The following LRRC63 variants were observed in gnomAD, a reference collection of about 807,000 sequenced individuals.
The protein encoded by LRRC63 is leucine-rich repeat-containing protein 63.
LRRC63 carries 40 observed loss-of-function variants against 49.5 expected under a neutral mutation model. The observed-to-expected ratio is 0.81, with a 90% CI of 0.63 to 1.05. The LOEUF (loss-of-function observed/expected upper bound fraction) is 1.05, where lower values mean the gene tolerates loss of function less well. Ranked by LOEUF, LRRC63 falls within the 50% of genes least tolerant of loss-of-function variation. LRRC63 has a pLI of 0.00. For missense variants in LRRC63, 636 were observed against 663.1 expected, an observed-to-expected ratio of 0.96 and a Z score of 0.45; for synonymous variants, 191 against 221.1, an observed-to-expected ratio of 0.86 and a Z score of 1.21.
chr13:46,240,118 C>G (rs1348970416), intron 5 of LRRC63, among the ~76,000 whole-genome samples: 1 of 142,132 alleles, frequency 7.0e-6, no homozygotes, highest in Non-Finnish European at 1.5e-5. Context: ...CTATCTCTCT[C>G]TCTTTTTCTT....
At chr13:46,246,588 A>G in exon 6 of LRRC63, 1 of 1,472,664 alleles carries the variant, frequency 6.8e-7, no homozygotes. Flanking sequence ...ATATATCTTA[A>G]TTTATCATTT....
chr13:46,258,296 AT>A (rs1229751551), intron 7 of LRRC63, among the ~76,000 whole-genome samples: 3 of 150,476 alleles, frequency 2.0e-5, no homozygotes, highest in South Asian at 2.1e-4. Flanking sequence ...TGCCTGGCTA[AT>A]TTTTTGTATT....
At chr13:46,270,525 T>C (rs751223403) in intron 9 of LRRC63, 1 of 808,998 alleles carries the variant, frequency 1.2e-6, no homozygotes, top group African/African-American at 1.7e-5. Context: ...TTACCCAAAT[T>C]TGAAGAAAGT....
chr13:46,223,486 T>TG (rs1566472137), intron 2 of LRRC63, among the ~76,000 whole-genome samples: 2,270 of 143,434 alleles, frequency 0.016, 72 homozygotes, highest in African/African-American at 0.056. Context: ...TTTTTTTTGT[T>TG]TTTTTTTTTT....
exon 1 of LRRC63, chr13:46,211,983 C>A (rs2046105089): frequency 6.6e-6 from 1 of 152,486 alleles, no homozygotes; most frequent in South Asian, 2.1e-4. Context: ...CCTTGGCCTC[C>A]TAGAGGGTGG....
At chr13:46,228,801 G>T in intron 4 of LRRC63, 68 bp downstream of exon 4, 2 of 1,070,266 alleles carry the variant, frequency 1.9e-6, no homozygotes, top group Non-Finnish European at 1.4e-6. Context: ...AAAATTATGG[G>T]TGATTTTTTG....
intron 9 of LRRC63, among the ~76,000 whole-genome samples, chr13:46,276,208 A>G (rs2047834465): frequency 6.6e-6 from 1 of 152,062 alleles, no homozygotes; most frequent in East Asian, 1.9e-4. Flanking sequence ...TAAATGATAT[A>G]TTTATTTTGT....
intron 9 of LRRC63, among the ~76,000 whole-genome samples, chr13:46,267,404 T>G (rs749102916): frequency 1.8e-4 from 28 of 152,214 alleles, no homozygotes; most frequent in Non-Finnish European, 4.0e-4. Flanking sequence ...ATGACCAGTG[T>G]TGGAATCATT....
intron 6 of LRRC63, among the ~76,000 whole-genome samples, chr13:46,248,683 G>A (rs1437574519): frequency 6.6e-6 from 1 of 151,772 alleles, no homozygotes; most frequent in Non-Finnish European, 1.5e-5. Context: ...ATAATAATTG[G>A]ACACTTCAAT....
chr13:46,234,568 T>C (rs1419288319), intron 5 of LRRC63, among the ~76,000 whole-genome samples: 2 of 152,218 alleles, frequency 1.3e-5, no homozygotes, highest in Non-Finnish European at 2.9e-5. Flanking sequence ...CAGTGCTTTT[T>C]TTATTACTTA....
intron 2 of LRRC63, among the ~76,000 whole-genome samples, chr13:46,214,649 A>T (rs866040008): frequency 1.5e-5 from 2 of 133,952 alleles, no homozygotes; most frequent in African/African-American, 2.6e-5. Context: ...TATTTCTTCT[A>T]AAAAAAAAAA....
rs2047213802 is a variant in LRRC63, at chr13:46,246,399, A to G, written c.991-128A>G. 9.0e-6 allele frequency: 4 copies of G among 443,634 alleles called. No individual in the cohort carries two copies. In the East Asian group the frequency reaches 1.4e-4, roughly 16 times the overall value. The allele number at this position is 443,634 out of a possible 1,614,324, so 27.5% of individuals were successfully genotyped here. A position where few individuals can be genotyped will look rare whatever the true frequency, so the allele number is the denominator to read the frequency against. ...AAAAAAAAATGAATGGACGAGGAGT[A>G]TAGGCTTGTTAGTATATTGTGTAAA... On this transcript the variant is annotated intron_variant, in intron 5 of 9. Coordinates refer to ENST00000595396, the Ensembl canonical transcript of LRRC63.
intron 5 of LRRC63, among the ~76,000 whole-genome samples, chr13:46,244,933 G>A (rs1450733967): frequency 6.6e-6 from 1 of 152,174 alleles, no homozygotes; most frequent in Admixed American, 6.5e-5. Context: ...ACTGGCTAAT[G>A]AAGAACCACT....
intron 7 of LRRC63, among the ~76,000 whole-genome samples, chr13:46,257,681 G>A (rs2047536989): frequency 6.6e-6 from 1 of 152,094 alleles, no homozygotes. Context: ...TGTAAATTTA[G>A]CAGTTCAAGT....
chr13:46,267,068 C>A (rs928338772), intron 9 of LRRC63, 96 bp downstream of exon 9: 1 of 1,137,536 alleles, frequency 8.8e-7, no homozygotes, highest in Non-Finnish European at 1.2e-6. Context: ...CTAACATGCA[C>A]ACATACTCCA....
At chr13:46,249,099 T>A (rs1197109922) in intron 6 of LRRC63, among the ~76,000 whole-genome samples, 1 of 151,562 alleles carries the variant, frequency 6.6e-6, no homozygotes, top group Non-Finnish European at 1.5e-5. Context: ...TAAATGAAAA[T>A]GAAAACACAA....
chr13:46,231,850 C>G (rs1026060646), intron 4 of LRRC63, among the ~76,000 whole-genome samples: 3 of 131,876 alleles, frequency 2.3e-5, no homozygotes, highest in Admixed American at 8.1e-5. Flanking sequence ...GAGTCTCGCT[C>G]TGTCACCCAG....
At chr13:46,250,235 A>G in intron 6 of LRRC63, 120 bp from the exon 7 acceptor site, 4 of 863,650 alleles carry the variant, frequency 4.6e-6, no homozygotes, top group Non-Finnish European at 6.9e-6. Flanking sequence ...TACATGATAT[A>G]GCCAATTAAT....
At chr13:46,226,231 A>G (rs2138396652) in intron 2 of LRRC63, among the ~76,000 whole-genome samples, 1 of 152,092 alleles carries the variant, frequency 6.6e-6, no homozygotes, top group South Asian at 2.1e-4. Flanking sequence ...CGATCCTGCT[A>G]TCTCAGCATC....
Sources: gnomAD v4.1 joint callset for allele counts (sites outside exome capture counted in the v4.1 genomes callset) on GRCh38, gnomAD v4.1.1 for gene constraint, MANE v1.5 for transcripts, NCBI Gene and HGNC (gene_info 2026-07-23, HGNC 2026-07-21) for gene names.